Variants in CDA observed in about 807,000 individuals in gnomAD.
CDA encodes the protein cytidine aminohydrolase.
Under a neutral mutation model 15.0 loss-of-function variants are expected in CDA, and 7 were observed. The ratio of observed to expected loss-of-function variants is 0.47; its 90% CI spans 0.26 to 0.87. CDA has a LOEUF of 0.87. Ranked by LOEUF, CDA falls within the 40% of genes least tolerant of loss-of-function variation. The pLI, the probability that CDA is intolerant of heterozygous loss-of-function variation, is 0.15. For synonymous variants in CDA, 58 were observed against 73.0 expected, an observed-to-expected ratio of 0.79 and a Z score of 1.05; for missense variants, 159 against 182.7, an observed-to-expected ratio of 0.87 and a Z score of 0.75.
intron 2 of CDA, among the ~76,000 whole-genome samples, chr1:20,607,463 GA>G (rs1196431793): frequency 3.3e-5 from 5 of 151,202 alleles, no homozygotes; most frequent in African/African-American, 9.7e-5. Flanking sequence ...TGCACTTTAT[GA>G]AAAAAAAGAG....
chr1:20,601,371 T>G (rs761924978), intron 1 of CDA, among the ~76,000 whole-genome samples: 1 of 152,216 alleles, frequency 6.6e-6, no homozygotes, highest in Non-Finnish European at 1.5e-5. Flanking sequence ...GCAGCTCCCA[T>G]TTGAACTACA....
At chr1:20,597,682 G>T (rs891573692) in intron 1 of CDA, among the ~76,000 whole-genome samples, 1 of 152,146 alleles carries the variant, frequency 6.6e-6, no homozygotes, top group Non-Finnish European at 1.5e-5. Context: ...GTATTATTTG[G>T]TCCTATCTTA....
intron 1 of CDA, among the ~76,000 whole-genome samples, chr1:20,597,522 C>G (rs1397396119): frequency 1.3e-5 from 2 of 152,188 alleles, no homozygotes; most frequent in Non-Finnish European, 1.5e-5. Context: ...TCACTTTTAC[C>G]TTCTGTAAAA....
intron 2 of CDA, among the ~76,000 whole-genome samples, chr1:20,611,353 AT>A (rs1429327509): frequency 6.6e-6 from 1 of 152,136 alleles, no homozygotes; most frequent in Non-Finnish European, 1.5e-5. Context: ...CAGGCTTGGA[AT>A]TTTCCATCAT....
intron 1 of CDA, among the ~76,000 whole-genome samples, chr1:20,601,645 T>C (rs1353763141): frequency 2.0e-5 from 3 of 152,218 alleles, no homozygotes; most frequent in Non-Finnish European, 4.4e-5. Context: ...CCGTCAACTC[T>C]GGACATGAAT....
chr1:20,610,734 A>G (rs1340774392), intron 2 of CDA, among the ~76,000 whole-genome samples: 1 of 152,248 alleles, frequency 6.6e-6, no homozygotes, highest in Non-Finnish European at 1.5e-5. Flanking sequence ...AATGTCCAGC[A>G]CTTAGAACAG....
At position 20,589,264 on chromosome 1, in the gene CDA, G is replaced by A. The variant is rs2052527215; in HGVS notation, c.135G>A (p.Gln45=). The part of the protein sequence containing the change: ...HFPVGAALLT[Q]EGRIFKGCNI... ...CTGTGGGGGCTGCCCTGCTCACCCA[G>A]GAGGGGAGAATCTTCAAAGGTAAAG... Residue 45 remains glutamine (Q), a synonymous_variant, in exon 1 of 4, where the codon CAG becomes CAA. Transcript: ENST00000375071. 6.2e-7 allele frequency: 1 copy of A among 1,613,958 alleles called. No homozygotes were observed.
chr1:20,592,256 C>G (rs2052556201), intron 1 of CDA, among the ~76,000 whole-genome samples: 2 of 152,170 alleles, frequency 1.3e-5, no homozygotes, highest in Admixed American at 6.5e-5. Flanking sequence ...GCAGCATTCA[C>G]TCTGATCGGT....
intron 2 of CDA, among the ~76,000 whole-genome samples, chr1:20,608,621 G>A (rs1186147705): frequency 1.3e-5 from 2 of 152,200 alleles, no homozygotes; most frequent in African/African-American, 2.4e-5. Flanking sequence ...CGTTGACCAA[G>A]CTGGTCTCGA....
At chr1:20,591,202 G>C (rs567992850) in intron 1 of CDA, among the ~76,000 whole-genome samples, 11 of 152,190 alleles carry the variant, frequency 7.2e-5, no homozygotes, top group Admixed American at 4.6e-4. Flanking sequence ...ATAGCCGGGC[G>C]TGGTGATGGG....
intron 2 of CDA, among the ~76,000 whole-genome samples, chr1:20,611,346 G>A (rs574557447): frequency 1.3e-5 from 2 of 152,190 alleles, no homozygotes; most frequent in African/African-American, 4.8e-5. Context: ...TGTGGTGCAG[G>A]CTTGGAATTT....
chr1:20,597,887 T>A (rs562021261), intron 1 of CDA, among the ~76,000 whole-genome samples: 6 of 130,550 alleles, frequency 4.6e-5, no homozygotes, highest in Non-Finnish European at 6.6e-5. Flanking sequence ...CCTTTTTTTT[T>A]ATTTGCCTTT....
intron 1 of CDA, among the ~76,000 whole-genome samples, chr1:20,604,573 T>C (rs1025497964): frequency 6.6e-6 from 1 of 152,126 alleles, no homozygotes; most frequent in African/African-American, 2.4e-5. Context: ...TAGATGCAGG[T>C]GTGGGGGCTC....
At chr1:20,604,092 T>C (rs1222518969) in intron 1 of CDA, among the ~76,000 whole-genome samples, 1 of 152,078 alleles carries the variant, frequency 6.6e-6, no homozygotes, top group East Asian at 1.9e-4. Context: ...TGACAGTGTG[T>C]TTGTTTTGCA....
intron 1 of CDA, among the ~76,000 whole-genome samples, chr1:20,598,774 T>C (rs1297734526): frequency 1.3e-5 from 2 of 152,134 alleles, no homozygotes; most frequent in Non-Finnish European, 2.9e-5. Flanking sequence ...CACCTCCTAA[T>C]AGTATAGCGT....
intron 2 of CDA, among the ~76,000 whole-genome samples, chr1:20,608,424 G>GTTTTGTTTTGCTTTGTTTTGT (rs769091381): frequency 6.7e-6 from 1 of 150,348 alleles, no homozygotes. Context: ...GTTTTGTTTT[G>GTTTTGTTTTGCTTTGTTTTGT]TTTGAGAACA....
chr1:20,590,432 T>C (rs950013208), intron 1 of CDA, among the ~76,000 whole-genome samples: 3 of 152,106 alleles, frequency 2.0e-5, no homozygotes, highest in Non-Finnish European at 4.4e-5. Context: ...TATTAAACAT[T>C]AACCACCACC....
chr1:20,604,835 T>C (rs536095159), intron 1 of CDA, 93 bp from the exon 2 acceptor site: 1 of 848,566 alleles, frequency 1.2e-6, no homozygotes, highest in Admixed American at 2.0e-5. Context: ...AACCAGTTCC[T>C]TCCTGCTTTG....
chr1:20,589,357 G>T, intron 1 of CDA, 74 bp downstream of exon 1: 1 of 1,423,000 alleles, frequency 7.0e-7, no homozygotes, highest in Non-Finnish European at 9.8e-7. Context: ...TACAGGAAGA[G>T]GCGCAGAGGC....
Sources: allele counts gnomAD v4.1 joint callset (sites outside exome capture counted in the v4.1 genomes callset), GRCh38; gene constraint gnomAD v4.1.1; transcripts MANE v1.5; gene names NCBI Gene and HGNC (gene_info 2026-07-23, HGNC 2026-07-21).